The following SPOCK3 variants were observed in gnomAD, a reference collection of about 807,000 sequenced individuals.
SPOCK3 encodes the protein SPARC (osteonectin), cwcv and kazal like domains proteoglycan 3, also known as testican-3.
SPOCK3 carries 30 observed loss-of-function variants against 56.6 expected under a neutral mutation model. The ratio of observed to expected loss-of-function variants is 0.53; its 90% CI spans 0.40 to 0.72. The LOEUF is 0.72. Among genes scored for constraint, SPOCK3 ranks in the 30% least tolerant of loss-of-function variants. The pLI is 0.00. For missense variants in SPOCK3, 527 were observed against 530.0 expected (o/e 0.99, Z 0.06); for synonymous variants, 196 against 183.3 (o/e 1.07, Z -0.56).
At chr4:167,109,111 A>AAAATATATATAAATATATATTTATAT in intron 2 of SPOCK3, among the ~76,000 whole-genome samples, 1 of 17,870 alleles carries the variant, frequency 5.6e-5, no homozygotes, top group African/African-American at 1.9e-4. Context: ...TATTTATATA[A>AAAATATATATAAATATATATTTATAT]AAATATATAT....
intron 2 of SPOCK3, among the ~76,000 whole-genome samples, chr4:167,066,037 C>A (rs1055897108): frequency 6.6e-6 from 1 of 151,878 alleles, no homozygotes; most frequent in Non-Finnish European, 1.5e-5. Context: ...CTGCCTACTT[C>A]TTGTACTTAC....
intron 2 of SPOCK3, among the ~76,000 whole-genome samples, chr4:167,168,664 T>C (rs1730216657): frequency 6.6e-6 from 1 of 152,056 alleles, no homozygotes; most frequent in Admixed American, 6.6e-5. Context: ...AGCCTGACAA[T>C]GCAGTAGAAA....
intron 4 of SPOCK3, among the ~76,000 whole-genome samples, chr4:166,952,023 A>G (rs1466489743): frequency 4.6e-5 from 7 of 152,202 alleles, no homozygotes; most frequent in Non-Finnish European, 7.3e-5. Flanking sequence ...AAACTGGCAC[A>G]AGACAGGGAT....
At chr4:167,002,142 A>G (rs537632920) in intron 3 of SPOCK3, among the ~76,000 whole-genome samples, 3 of 151,948 alleles carry the variant, frequency 2.0e-5, no homozygotes, top group Non-Finnish European at 4.4e-5. Flanking sequence ...TATTTTTAGT[A>G]GAGACGGGGT....
intron 2 of SPOCK3, among the ~76,000 whole-genome samples, chr4:167,072,301 G>C (rs1026978486): frequency 1.3e-5 from 2 of 151,992 alleles, no homozygotes; most frequent in Admixed American, 6.6e-5. Context: ...CCCACAAGTT[G>C]TTTTTGTAAA....
chr4:166,919,745 G>T (rs960347517), intron 4 of SPOCK3, among the ~76,000 whole-genome samples: 4 of 152,058 alleles, frequency 2.6e-5, no homozygotes, highest in Non-Finnish European at 5.9e-5. Context: ...TTATAAACCC[G>T]TTTCCAGCAA....
chr4:166,851,046 C>T (rs1029933477), intron 6 of SPOCK3, among the ~76,000 whole-genome samples: 5 of 152,234 alleles, frequency 3.3e-5, no homozygotes, highest in African/African-American at 1.2e-4. Context: ...CAGCAGTAAC[C>T]TCTGCAGACT....
At chr4:167,122,455 T>C (rs1220787206) in intron 2 of SPOCK3, among the ~76,000 whole-genome samples, 1 of 152,208 alleles carries the variant, frequency 6.6e-6, no homozygotes, top group African/African-American at 2.4e-5. Flanking sequence ...TATATTGCAC[T>C]ATGCAATAAA....
chr4:166,866,383 T>C (rs1330645901), intron 6 of SPOCK3, among the ~76,000 whole-genome samples: 1 of 152,110 alleles, frequency 6.6e-6, no homozygotes, highest in Non-Finnish European at 1.5e-5. Context: ...AAAGACTTCA[T>C]GACTAAAACC....
chr4:166,981,976 G>T (rs1231432497), intron 4 of SPOCK3, among the ~76,000 whole-genome samples: 2 of 152,224 alleles, frequency 1.3e-5, no homozygotes, highest in Non-Finnish European at 2.9e-5. Context: ...AGGGCAGGAA[G>T]TGGGAGCAGG....
chr4:167,021,578 C>G (rs982999461), intron 3 of SPOCK3, among the ~76,000 whole-genome samples: 1 of 151,932 alleles, frequency 6.6e-6, no homozygotes, highest in Non-Finnish European at 1.5e-5. Flanking sequence ...AGAGAGTTCC[C>G]ACATCCCTAC....
chr4:166,936,206 A>C (rs1055253764), intron 4 of SPOCK3, among the ~76,000 whole-genome samples: 3 of 152,144 alleles, frequency 2.0e-5, no homozygotes, highest in Admixed American at 6.5e-5. Context: ...ATCATTTTAC[A>C]TAGGCTTGAC....
At chr4:167,010,519 CAAAAA>C (rs11408189) in intron 3 of SPOCK3, among the ~76,000 whole-genome samples, 1 of 109,842 alleles carries the variant, frequency 9.1e-6, no homozygotes, top group African/African-American at 3.5e-5. Context: ...GACTCTGTCT[CAAAAA>C]AAAAAAAAAA....
At chr4:167,070,708 CATCTT>C (rs375398783) in intron 2 of SPOCK3, among the ~76,000 whole-genome samples, 50 of 152,050 alleles carry the variant, frequency 3.3e-4, no homozygotes, top group African/African-American at 1.1e-3. Context: ...TTACACATCT[CATCTT>C]ATTAGGGGAA....
intron 2 of SPOCK3, among the ~76,000 whole-genome samples, chr4:167,177,893 C>T (rs1731122011): frequency 6.6e-6 from 1 of 152,164 alleles, no homozygotes; most frequent in African/African-American, 2.4e-5. Flanking sequence ...CCTACCAATA[C>T]TAAGACCTAG....
At chr4:167,226,485 CTGAGAA>C (rs1247373017) in intron 2 of SPOCK3, among the ~76,000 whole-genome samples, 1 of 152,102 alleles carries the variant, frequency 6.6e-6, no homozygotes, top group East Asian at 1.9e-4. Context: ...GGGATGGAGA[CTGAGAA>C]TATTTTCAAT....
intron 6 of SPOCK3, among the ~76,000 whole-genome samples, chr4:166,820,893 A>T (rs1232133685): frequency 1.3e-5 from 2 of 152,036 alleles, no homozygotes; most frequent in Non-Finnish European, 2.9e-5. Context: ...CTTTGGTTAG[A>T]TGATGACGTC....
intron 4 of SPOCK3, among the ~76,000 whole-genome samples, chr4:166,916,320 C>T (rs916359623): frequency 6.6e-6 from 1 of 151,928 alleles, no homozygotes; most frequent in Non-Finnish European, 1.5e-5. Flanking sequence ...CTATTGCTAG[C>T]GTTCTTTTAG....
At chr4:167,103,218 G>A (rs566177662) in intron 2 of SPOCK3, among the ~76,000 whole-genome samples, 1 of 152,060 alleles carries the variant, frequency 6.6e-6, no homozygotes, top group Non-Finnish European at 1.5e-5. Context: ...CTACACCATG[G>A]ACCTTGAGTA....
Sources: allele counts gnomAD v4.1 joint callset (sites outside exome capture counted in the v4.1 genomes callset), GRCh38; gene constraint gnomAD v4.1.1; transcripts MANE v1.5; gene names NCBI Gene and HGNC (gene_info 2026-07-23, HGNC 2026-07-21).